LCMT2: variants seen among roughly 807,000 people sequenced by gnomAD.
LCMT2 encodes the protein tRNA wybutosine-synthesizing protein 4.
In LCMT2, 34 loss-of-function variants were observed where a neutral mutation model predicts 42.0. That is an observed-to-expected ratio of 0.81 (90% CI 0.62 to 1.08). The LOEUF (loss-of-function observed/expected upper bound fraction) is 1.08. Ranked by LOEUF, LCMT2 falls within the 50% of genes least tolerant of loss-of-function variation. The pLI, the probability that LCMT2 is intolerant of heterozygous loss-of-function variation, is 0.00. For missense variants in LCMT2, 1,091 were observed against 889.4 expected (o/e 1.23, Z -2.88); for synonymous variants, 445 against 369.5 (o/e 1.20, Z -2.34).
chr15:43,330,284 G>C lies in LCMT2; in HGVS notation c.206C>G (p.Ala69Gly). The change falls in exon 1 of 1, where the codon GCT (alanine) becomes GGT (glycine). Residue 69 changes from alanine to glycine, a missense_variant. By Grantham distance (60) the Ala-to-Gly change is moderately conservative. Transcript: ENST00000305641. Reference protein sequence around the residue: ...RARAVRHCVRAFLEQIGAPQA... With the variant: ...RARAVRHCVRGFLEQIGAPQA... Reference sequence around the variant, plus strand: ...GGGCGCGCCAATCTGCTCCAAAAAAGCGCGCACGCAGTGCCTCACGGCGCG... The same window carrying C: ...GGGCGCGCCAATCTGCTCCAAAAAACCGCGCACGCAGTGCCTCACGGCGCG... The C allele has an allele frequency of 6.3e-7, 1 of 1,595,328 alleles. No homozygotes were observed. Among genetic ancestry groups the C allele is most frequent in the Non-Finnish European group, 8.5e-7 (1 of 1,176,134 alleles).
chr15:43,326,009 C>G lies in LCMT2; in HGVS notation c.*2420G>C, dbSNP rs911072733. The G allele has an allele frequency of 8.5e-6, 1 of 117,306 alleles. No homozygotes were observed. The allele number at this position is 117,306 out of a possible 1,614,324, so 7.3% of individuals were successfully genotyped here. A position where few individuals can be genotyped will look rare whatever the true frequency, so the allele number is the denominator to read the frequency against. On this transcript the variant is annotated 3_prime_UTR_variant, in exon 1 of 1. Transcript: ENST00000305641. ...GCATGCGCCACCATCCCTGGCTAAT[C>G]TTTGTATATATAGATAGATGGATAA...
chr15:43,329,937 G>T lies in LCMT2; in HGVS notation c.553C>A (p.Leu185Ile), dbSNP rs753662898. The change falls in exon 1 of 1, where the codon CTC becomes ATC. Residue 185 changes from leucine (L) to isoleucine (I), a missense_variant. Physicochemically the swap from Leu to Ile is conservative, Grantham distance 5. Transcript: ENST00000305641. ...AGLDAASPTL[L>I]LAEAVLTYLE... ...TAGGTCAGCACCGCCTCGGCCAGGA[G>T]CAGAGTGGGTGAGGCTGCGTCGAGC... 65 of 1,612,602 alleles carry T rather than the reference G, an allele frequency of 4.0e-5. No homozygotes were observed. Among genetic ancestry groups the T allele is most frequent in the Non-Finnish European group, 5.3e-5 (63 of 1,179,828 alleles).
rs931604728 is a variant in LCMT2, at chr15:43,330,283, A to T, written c.207T>A (p.Ala69=). The change falls in exon 1 of 1, where the codon GCT becomes GCA. Residue 69 remains alanine, a synonymous_variant. Coordinates refer to ENST00000305641, the MANE Select transcript of LCMT2 (RefSeq NM_014793.5). ...RARAVRHCVR[A]FLEQIGAPQA... is the part of the protein sequence containing the mutation. ...GGGGCGCGCCAATCTGCTCCAAAAA[A>T]GCGCGCACGCAGTGCCTCACGGCGC... is the stretch of plus-strand genomic sequence containing the variant. 1.3e-6 allele frequency: 2 copies of T among 1,595,028 alleles called. No homozygotes were observed. Among genetic ancestry groups the T allele is most frequent in the African/African-American group, 1.4e-5 (1 of 73,426 alleles).
chr15:43,328,937 G>A lies in LCMT2; in HGVS notation c.1553C>T (p.Thr518Ile). The A allele has an allele frequency of 6.2e-7, 1 of 1,614,158 alleles. No homozygotes were observed. The highest frequency in any genetic ancestry group is 1.1e-5 in the South Asian group (1 of 91,082). ...LSDWHFLHVG[T>I]MAWVRIPVEG... ...CACTGGGATCCTGACCCAAGCCATT[G>A]TCCCTACATGGAGGAAATGCCAGTC... The change falls in exon 1 of 1, where the codon ACA becomes ATA. Residue 518 changes from threonine to isoleucine, a missense_variant. Transcript: ENST00000305641.
rs1177712114 is a variant in LCMT2 at position 43,330,142 on chromosome 15, C to T, written c.348G>A (p.Pro116=). ...ARAAVWEVDF[P]DVARRKAERI... is the part of the protein sequence containing the mutation. Reference sequence around the variant, plus strand: ...TTTCTGCTTTGCGCCGCGCCACGTCCGGAAAATCCACCTCCCAGACTGCAG... The same window carrying T: ...TTTCTGCTTTGCGCCGCGCCACGTCTGGAAAATCCACCTCCCAGACTGCAG... The change falls in exon 1 of 1, where the codon CCG becomes CCA. Residue 116 remains proline, a synonymous_variant. Transcript: ENST00000305641. The T allele has an allele frequency of 6.2e-7, 1 of 1,612,040 alleles. No homozygotes were observed. Among genetic ancestry groups the T allele is most frequent in the Non-Finnish European group, 8.5e-7 (1 of 1,179,948 alleles).
At position 43,328,752 on chromosome 15, in the gene LCMT2, G is replaced by C. The variant is rs1379897619; in HGVS notation, c.1738C>G (p.Gln580Glu). Residue 580 changes from glutamine to glutamate, a missense_variant, in exon 1 of 1, where the codon CAG becomes GAG. Physicochemically the swap from Gln to Glu is conservative, Grantham distance 29 (BLOSUM62 2). Coordinates refer to ENST00000305641, the MANE Select transcript of LCMT2 (RefSeq NM_014793.5). The stretch of plus-strand genomic sequence containing the variant: ...GAGTACCTTGGGGTAATGGGAGGCT[G>C]GATGTCTACTGACTCCCAGAGGAAT... ...CGFLWESVDIQPPITPRYSHT... is the reference protein window; with the variant it reads ...CGFLWESVDIEPPITPRYSHT... 6.2e-7 allele frequency: 1 copy of C among 1,613,604 alleles called. No homozygotes were observed. The highest frequency in any genetic ancestry group is 1.1e-5 in the South Asian group (1 of 91,088).
At position 43,328,864 on chromosome 15, in the gene LCMT2, C is replaced by G; in HGVS notation, c.1626G>C (p.Trp542Cys). The change falls in exon 1 of 1, where the codon TGG (tryptophan) becomes TGC (cysteine). Residue 542 changes from tryptophan (W) to cysteine (C), a missense_variant. By Grantham distance (215) the Trp-to-Cys change is radical (BLOSUM62 -2). Coordinates refer to ENST00000305641, the MANE Select transcript of LCMT2 (RefSeq NM_014793.5). ...CTCCAGCAATAAGGGCTCCCCCTTG[C>G]CAAGTGCAGGCACTGTGAGAATGCC... Reference protein sequence around the residue: ...EARHSHSACTWQGGALIAGGL... With the variant: ...EARHSHSACTCQGGALIAGGL... 6 of 1,613,794 alleles carry G rather than the reference C, an allele frequency of 3.7e-6. No homozygotes were observed. The South Asian group carries it at 6.6e-5, about 18-fold the overall frequency.
chr15:43,330,170 C>T lies in LCMT2; in HGVS notation c.320G>A (p.Arg107Gln), dbSNP rs1037553151. 4 of 1,611,658 alleles carry T rather than the reference C, an allele frequency of 2.5e-6. No individual in the cohort carries two copies. The highest frequency in any genetic ancestry group is 2.7e-5 in the African/African-American group (2 of 74,884). Residue 107 changes from arginine to glutamine, a missense_variant, in exon 1 of 1, where the codon CGG becomes CAG. Arg to Gln is a conservative substitution (Grantham distance 43). Coordinates refer to ENST00000305641, the MANE Select transcript of LCMT2 (RefSeq NM_014793.5). ...AAAATCCACCTCCCAGACTGCAGCCCGGGCCAGGCGGCCCGCGGTTTTTAA... is the reference window on the plus strand; with the variant it reads ...AAAATCCACCTCCCAGACTGCAGCCTGGGCCAGGCGGCCCGCGGTTTTTAA... ...FRLKTAGRLARAAVWEVDFPD... is the reference protein window; with the variant it reads ...FRLKTAGRLAQAAVWEVDFPD...
In LCMT2 at chr15:43,326,034, A is replaced by ATTTTTTTTTTTTTTTT. The variant is rs71111812; in HGVS notation, c.*2379_*2394dup. The ATTTTTTTTTTTTTTTT allele has an allele frequency of 9.9e-5, 7 of 70,526 alleles. No individual in the cohort carries two copies. The highest frequency in any genetic ancestry group is 2.1e-4 in the Admixed American group (1 of 4,824). 4.4% of individuals were successfully genotyped at this position (70,526 alleles called of 1,614,324 possible). ...CTTTGTATATATAGATAGATGGATA[A>ATTTTTTTTTTTTTTTT]TTTTTTTTTTTTTTTTTTTTTTTTT... On this transcript the variant is annotated 3_prime_UTR_variant, in exon 1 of 1. Transcript: ENST00000305641.
rs750973397 is a variant in LCMT2, at chr15:43,329,529, G to A, written c.961C>T (p.Leu321=). The A allele has an allele frequency of 2.5e-6, 4 of 1,614,202 alleles. No homozygotes were observed. Among genetic ancestry groups the A allele is most frequent in the South Asian group, 2.2e-5 (2 of 91,088 alleles). ...AATGCCTCTGAGGATGGAAACACTA[G>A]GGTGTGGGAGAGGGTGTCTCCCCTA... ...ASRGDTLSHT[L]VFPSSEAFPR... The change falls in exon 1 of 1, where the codon CTA becomes TTA. Residue 321 remains leucine, a synonymous_variant. Transcript: ENST00000305641.
rs747919259 is a variant in LCMT2, at chr15:43,328,660, TGAG to T, written c.1827_1829del (p.Ser610del). On this transcript the variant is annotated inframe_deletion, in exon 1 of 1. Transcript: ENST00000305641. ...AATTGATCACAGTCACTCCAGGAAATGAGGAGGAATGAATCCAGATCCCTCCAA... is the reference window on the plus strand; with the variant it reads ...AATTGATCACAGTCACTCCAGGAAATGAGGAATGAATCCAGATCCCTCCAA... 23 of 1,614,048 alleles carry T rather than the reference TGAG, an allele frequency of 1.4e-5. No homozygotes were observed. Among genetic ancestry groups the T allele is most frequent in the Admixed American group, 5.0e-5 (3 of 60,000 alleles).
Position 43,329,274 on chromosome 15 carries a change from C to T in LCMT2, c.1216G>A (p.Gly406Ser), listed in dbSNP as rs775681645. Residue 406 changes from glycine to serine, a missense_variant, in exon 1 of 1, where the codon GGC becomes AGC. Coordinates refer to ENST00000305641, the MANE Select transcript of LCMT2 (RefSeq NM_014793.5). Reference sequence around the variant, plus strand: ...CACTGAACTCCAGTCCCACAACTGCCTATTTGGCTGCCTTTCCATTCAGAG... The same window carrying T: ...CACTGAACTCCAGTCCCACAACTGCTTATTTGGCTGCCTTTCCATTCAGAG... Reference protein sequence around the residue: ...CDSEWKGSQIGSCGTGVQWDG... With the variant: ...CDSEWKGSQISSCGTGVQWDG... The T allele has an allele frequency of 1.4e-5, 22 of 1,613,920 alleles. No individual in the cohort carries two copies. The highest frequency in any genetic ancestry group is 6.7e-5 in the Admixed American group (4 of 60,006).
Position 43,325,647 on chromosome 15 carries a change from T to C in LCMT2, c.*2782A>G, listed in dbSNP as rs574555176. The C allele has an allele frequency of 6.6e-6, 1 of 152,298 alleles. No individual in the cohort carries two copies. Among genetic ancestry groups the C allele is most frequent in the East Asian group, 1.9e-4 (1 of 5,190 alleles). The allele number at this position is 152,298 out of a possible 1,614,324, so 9.4% of individuals were successfully genotyped here. On this transcript the variant is annotated 3_prime_UTR_variant, in exon 1 of 1. Coordinates refer to ENST00000305641, the MANE Select transcript of LCMT2 (RefSeq NM_014793.5). ...CAGTGCTCAAGAGAATAGGCACTAT[T>C]GCACTCCTAATTTAGGTCTGGCACA...
rs1279520615 is a variant in LCMT2, at chr15:43,330,163, T to C, written c.327A>G (p.Ala109=). ...LKTAGRLARA[A]VWEVDFPDVA... Reference sequence around the variant, plus strand: ...CGTCCGGAAAATCCACCTCCCAGACTGCAGCCCGGGCCAGGCGGCCCGCGG... The same window carrying C: ...CGTCCGGAAAATCCACCTCCCAGACCGCAGCCCGGGCCAGGCGGCCCGCGG... The change falls in exon 1 of 1, where the codon GCA becomes GCG. Residue 109 remains alanine, a synonymous_variant. Transcript: ENST00000305641. 1 of 1,611,506 alleles carries C rather than the reference T, an allele frequency of 6.2e-7. No individual in the cohort carries two copies. Among genetic ancestry groups the C allele is most frequent in the South Asian group, 1.1e-5 (1 of 91,070 alleles).
At position 43,328,688 on chromosome 15, in the gene LCMT2, A is replaced by G. The variant is rs768396168; in HGVS notation, c.1802T>C (p.Val601Ala). The change falls in exon 1 of 1, where the codon GTT (valine) becomes GCT (alanine). Residue 601 changes from valine (V) to alanine (A), a missense_variant. Val to Ala is a moderately conservative substitution (Grantham distance 64). Transcript: ENST00000305641. ...AHVLNGKLLL[V>A]GGIWIHSSSF... is the part of the protein sequence containing the mutation. Reference sequence around the variant, plus strand: ...GGAGGAATGAATCCAGATCCCTCCAACCAGTAACAGCTTTCCATTGAGCAC... The same window carrying G: ...GGAGGAATGAATCCAGATCCCTCCAGCCAGTAACAGCTTTCCATTGAGCAC... The G allele has an allele frequency of 1.2e-6, 2 of 1,614,250 alleles. No homozygotes were observed. Among genetic ancestry groups the G allele is most frequent in the Admixed American group, 3.3e-5 (2 of 60,034 alleles).
Position 43,328,345 on chromosome 15 carries a change from G to C in LCMT2, c.*84C>G. The C allele has an allele frequency of 7.3e-7, 1 of 1,370,800 alleles. No homozygotes were observed. Among genetic ancestry groups the C allele is most frequent in the Non-Finnish European group, 1.0e-6 (1 of 998,458 alleles). 84.9% of individuals were successfully genotyped at this position (1,370,800 alleles called of 1,614,324 possible). A position where few individuals can be genotyped will look rare whatever the true frequency, so the allele number is the denominator to read the frequency against. On this transcript the variant is annotated 3_prime_UTR_variant, in exon 1 of 1. Coordinates refer to ENST00000305641, the MANE Select transcript of LCMT2 (RefSeq NM_014793.5). ...AAAAAAGGATGGGGAAAGGAGGAGT[G>C]GCAGTATCTATAGCTAGAGGGTCAT...
chr15:43,328,427 C>T lies in LCMT2; in HGVS notation c.*2G>A. On this transcript the variant is annotated 3_prime_UTR_variant, in exon 1 of 1. Coordinates refer to ENST00000305641, the MANE Select transcript of LCMT2 (RefSeq NM_014793.5). ...AGTGGGTCCTGAATATTAGTCCAGTCCTTACTGCCCAGCACTTAAGGAAGA... is the reference window on the plus strand; with the variant it reads ...AGTGGGTCCTGAATATTAGTCCAGTTCTTACTGCCCAGCACTTAAGGAAGA... The T allele has an allele frequency of 6.2e-7, 1 of 1,611,186 alleles. No homozygotes were observed. The highest frequency in any genetic ancestry group is 8.5e-7 in the Non-Finnish European group (1 of 1,178,478).
Position 43,328,350 on chromosome 15 carries a change from T to A in LCMT2, c.*79A>T. The A allele has an allele frequency of 7.1e-7, 1 of 1,404,632 alleles. No homozygotes were observed. Among genetic ancestry groups the A allele is most frequent in the Non-Finnish European group, 9.7e-7 (1 of 1,028,332 alleles). 87.0% of individuals were successfully genotyped at this position (1,404,632 alleles called of 1,614,324 possible). A position where few individuals can be genotyped will look rare whatever the true frequency, so the allele number is the denominator to read the frequency against. ...AGGATGGGGAAAGGAGGAGTGGCAG[T>A]ATCTATAGCTAGAGGGTCATCCTAT... On this transcript the variant is annotated 3_prime_UTR_variant, in exon 1 of 1. Coordinates refer to ENST00000305641, the MANE Select transcript of LCMT2 (RefSeq NM_014793.5).
rs1458463136 is a variant in LCMT2 at position 43,328,381 on chromosome 15, G to T, written c.*48C>A. 4 of 1,554,794 alleles carry T rather than the reference G, an allele frequency of 2.6e-6. No homozygotes were observed. The South Asian group carries it at 3.7e-5, about 14-fold the overall frequency. ...TAGCTAGAGGGTCATCCTATTTGTG[G>T]AAAACTTTATTGTCTACTTTAGTGG... On this transcript the variant is annotated 3_prime_UTR_variant, in exon 1 of 1. Coordinates refer to ENST00000305641, the MANE Select transcript of LCMT2 (RefSeq NM_014793.5).
Sources: allele counts gnomAD v4.1 joint callset, GRCh38; gene constraint gnomAD v4.1.1; transcripts MANE v1.5; gene names NCBI Gene and HGNC (gene_info 2026-07-23, HGNC 2026-07-21).